Variants in CEP72 observed in about 807,000 individuals in gnomAD.
CEP72 encodes centrosomal protein of 72 kDa.
A neutral mutation model predicts 65.7 loss-of-function variants in CEP72; 78 were observed. The ratio of observed to expected loss-of-function variants is 1.19; its 90% CI spans 0.99 to 1.43. CEP72 has a LOEUF of 1.43. Ranked by LOEUF, CEP72 falls within the 40% of genes most tolerant of loss-of-function variation. CEP72 has a pLI of 0.00. For missense variants in CEP72, 914 were observed against 832.9 expected, an observed-to-expected ratio of 1.10 and a Z score of -1.20; for synonymous variants, 358 against 351.7, an observed-to-expected ratio of 1.02 and a Z score of -0.20.
chr5:662,842 T>A (rs1739695320), intron 1 of CEP72: 2 of 152,456 alleles, frequency 1.3e-5, no homozygotes, highest in Admixed American at 1.3e-4. Flanking sequence ...TGGGCTGTTA[T>A]CGGGTGATTC....
chr5:620,161 C>T lies in CEP72; in HGVS notation c.303C>T (p.Thr101=), dbSNP rs767591801. The T allele has an allele frequency of 1.7e-5, 28 of 1,613,986 alleles. No homozygotes were observed. In the Admixed American group the frequency reaches 2.2e-4, roughly 12 times the overall value. Residue 101 remains threonine, a synonymous_variant, in exon 3 of 12, where the codon ACC becomes ACT. Transcript: ENST00000264935. ...AAGTGTTTCGGCTCCACGCCTTAAC[C>T]GAGCTCGTGGATGTGGACTTCCGGC... ...LAEVFRLHAL[T]ELVDVDFRLN... is the part of the protein sequence containing the mutation.
rs1363807040 is a variant in CEP72 at position 624,373 on chromosome 5, C to T, written c.404-98C>T. On this transcript the variant is annotated intron_variant, in intron 3 of 11. Transcript: ENST00000264935. The surrounding 1 kb of genome is among the most constrained non-coding windows in gnomAD (Gnocchi z 4.7). ...AGGTTAGTGGGAGCAGGGCTGGCCC[C>T]GAGGGGATGGACACCCTGCCCCGTG... is the stretch of plus-strand genomic sequence containing the variant. 2.5e-5 allele frequency: 20 copies of T among 796,322 alleles called. No homozygotes were observed. The East Asian group carries it at 2.8e-4, about 11-fold the overall frequency. The allele number at this position is 796,322 out of a possible 1,614,324, so 49.3% of individuals were successfully genotyped here.
chr5:665,324 A>G lies in CEP72; in HGVS notation n.432A>G, dbSNP rs773010030. On this transcript the variant is annotated splice_region_variant and non_coding_transcript_exon_variant, in exon 3 of 5. Transcript: ENST00000514507. ...GCAAGAGGAGCAGGAGGAAGGGGGCAGGTGAGTTGCGAGCCAGGTGAGGCC... is the reference window on the plus strand; with the variant it reads ...GCAAGAGGAGCAGGAGGAAGGGGGCGGGTGAGTTGCGAGCCAGGTGAGGCC... 13 of 1,596,636 alleles carry G rather than the reference A, an allele frequency of 8.1e-6. No individual in the cohort carries two copies. In the East Asian group the frequency reaches 2.5e-4, roughly 31 times the overall value.
rs188814613 is a variant in CEP72 at position 617,517 on chromosome 5, C to G, written c.83-1473C>G. On this transcript the variant is annotated intron_variant, in intron 1 of 11. Transcript: ENST00000264935. ...GAAACCACAAGACTGTCACGGAAAC[C>G]CTTTTCTTTCAGTAACATGAGCCAA... Among the ~76,000 whole-genome samples the G allele has an allele frequency of 2.1e-3, 327 of 152,254 alleles. 1 individual carries two copies. Among genetic ancestry groups the G allele is most frequent in the South Asian group, 4.2e-3 (20 of 4,812 alleles).
At chr5:675,573 G>T in the CEP72 span, among the ~76,000 whole-genome samples, 2 of 144,110 alleles carry the variant, frequency 1.4e-5, no homozygotes, top group South Asian at 4.6e-4. Flanking sequence ...GGCTGGGGGT[G>T]CGGTGTGGCC....
At chr5:638,930 A>T (rs1211112894) in intron 7 of CEP72, among the ~76,000 whole-genome samples, 159 bp from the exon 8 acceptor site, 2 of 152,166 alleles carry the variant, frequency 1.3e-5, no homozygotes, top group Non-Finnish European at 2.9e-5. Context: ...CTGGGCAGGC[A>T]CTGCTGAGCC....
chr5:625,770 C>T (rs1736713378), intron 4 of CEP72, among the ~76,000 whole-genome samples: 1 of 152,146 alleles, frequency 6.6e-6, no homozygotes, highest in Admixed American at 6.5e-5. Flanking sequence ...TGCTGGTGAT[C>T]TACGCAGCCG....
downstream of CEP72, chr5:660,012 C>T (rs1406891651): frequency 6.6e-6 from 1 of 152,384 alleles, no homozygotes; most frequent in Non-Finnish European, 1.5e-5. Context: ...GGCAACACCA[C>T]ACCTCTCACC....
chr5:625,893 T>G lies in CEP72; in HGVS notation c.512+1314T>G, dbSNP rs1736724988. Among the ~76,000 whole-genome samples, 4 of 152,112 alleles carry G rather than the reference T, an allele frequency of 2.6e-5. No homozygotes were observed. In the South Asian group the frequency reaches 8.3e-4, roughly 32 times the overall value. Reference sequence around the variant, plus strand: ...GTGCCTGTCTCTCTACGGGGCCAGGTTTCCCCTTCTTAGAAGGACACCAGT... The same window carrying G: ...GTGCCTGTCTCTCTACGGGGCCAGGGTTCCCCTTCTTAGAAGGACACCAGT... On this transcript the variant is annotated intron_variant, in intron 4 of 11. Transcript: ENST00000264935.
the CEP72 span, chr5:676,103 C>A: frequency 6.6e-6 from 1 of 152,294 alleles, no homozygotes; most frequent in African/African-American, 2.4e-5. Context: ...GCTGGGGGAG[C>A]CTGCAAGGCA....
At position 619,080 on chromosome 5, in the gene CEP72, C is replaced by T; in HGVS notation, c.173C>T (p.Ser58Phe). The T allele has an allele frequency of 5.6e-6, 9 of 1,613,936 alleles. No homozygotes were observed. Among genetic ancestry groups the T allele is most frequent in the African/African-American group, 2.7e-5 (2 of 75,046 alleles). The change falls in exon 2 of 12, where the codon TCT becomes TTT. Residue 58 changes from serine (S) to phenylalanine (F), a missense_variant. By Grantham distance (155) the Ser-to-Phe change is radical. Transcript: ENST00000264935. ...CTGATGAGTTTAACAGGTCTGAAAT[C>T]TTTGGATCTCTCGCGCAACTCCTTG... ...HSLMSLTGLKSLDLSRNSLVS... is the reference protein window; with the variant it reads ...HSLMSLTGLKFLDLSRNSLVS...
downstream of CEP72, chr5:655,622 G>C (rs1739356969): frequency 6.6e-6 from 1 of 151,786 alleles, no homozygotes; most frequent in Admixed American, 6.6e-5. This position sits in a 1 kb window ranked among gnomAD's most constrained non-coding sequence, Gnocchi z 5.0. Context: ...GGTGGTGGAG[G>C]GCGCGGGGTG....
chr5:665,305 G>A, exon 3 of CEP72: 1 of 1,609,202 alleles, frequency 6.2e-7, no homozygotes, highest in Non-Finnish European at 8.5e-7. Flanking sequence ...TTCTGCAAGA[G>A]GAGCAGGAGG....
At chr5:674,404 G>T in the CEP72 span, among the ~76,000 whole-genome samples, 4 of 150,764 alleles carry the variant, frequency 2.7e-5, no homozygotes, top group Non-Finnish European at 5.9e-5. Context: ...CCTTGCCCAC[G>T]CAGGCTCTGG....
At chr5:636,553 A>C (rs757070567) in intron 6 of CEP72, among the ~76,000 whole-genome samples, 4 of 152,188 alleles carry the variant, frequency 2.6e-5, no homozygotes, top group Non-Finnish European at 5.9e-5. Flanking sequence ...GCTCACGCCT[A>C]TAATCCCAAT....
intron 11 of CEP72, among the ~76,000 whole-genome samples, chr5:650,051 G>A (rs1229671887): frequency 1.5e-4 from 15 of 101,216 alleles, no homozygotes; most frequent in Non-Finnish European, 2.7e-4. Flanking sequence ...GGCGTGGACT[G>A]TGAGGTGTGA....
Position 640,938 on chromosome 5 carries a change from CT to C in CEP72, c.1539+335del, listed in dbSNP as rs1737973608. 4.1e-6 allele frequency: 4 copies of C among 985,484 alleles called. No homozygotes were observed. The African/African-American group carries it at 5.2e-5, about 13-fold the overall frequency. 61.0% of individuals were successfully genotyped at this position (985,484 alleles called of 1,614,324 possible). A position where few individuals can be genotyped will look rare whatever the true frequency, so the allele number is the denominator to read the frequency against. On this transcript the variant is annotated intron_variant, in intron 9 of 11. Coordinates refer to ENST00000264935, the MANE Select transcript of CEP72 (RefSeq NM_018140.4). ...CTGACCCATCTCTCAGGGCCTCGAA[CT>C]GGGGAAAACCGAGGCCACTCTCCTT...
chr5:657,057 A>C (rs1172821410), downstream of CEP72: 1 of 152,252 alleles, frequency 6.6e-6, no homozygotes, highest in Non-Finnish European at 1.5e-5. Context: ...CTTTTGTTAA[A>C]AATAAACCTT....
At chr5:665,397 A>G in intron 3 of CEP72, 1 of 1,111,254 alleles carries the variant, frequency 9.0e-7, no homozygotes, top group Non-Finnish European at 1.3e-6. Flanking sequence ...GCGGTGGGGC[A>G]CTGGGCAAGG....
Sources: allele counts gnomAD v4.1 joint callset (sites outside exome capture counted in the v4.1 genomes callset), GRCh38; gene constraint gnomAD v4.1.1; non-coding constraint Gnocchi (gnomAD v3.1); transcripts MANE v1.5; gene names NCBI Gene and HGNC (gene_info 2026-07-23, HGNC 2026-07-21).